CSMD1: variants seen among roughly 807,000 people sequenced by gnomAD.
CSMD1 encodes the protein CUB and sushi domain-containing protein 1.
Under a neutral mutation model 417.5 loss-of-function variants are expected in CSMD1, and 213 were observed. That is an observed-to-expected ratio of 0.51 (90% confidence interval 0.46 to 0.57). CSMD1 has a LOEUF of 0.57. Among genes scored for constraint, CSMD1 ranks in the 20% least tolerant of loss-of-function variants. CSMD1 has a pLI of 0.00. For missense variants in CSMD1, 6,923 were observed against 4,529.7 expected, an observed-to-expected ratio of 1.53 and a Z score of -15.17; for synonymous variants, 2,862 against 1,736.8, an observed-to-expected ratio of 1.65 and a Z score of -16.11.
chr8:4,949,461 C>T (rs1424478884), intron 1 of CSMD1, among the ~76,000 whole-genome samples: 2 of 152,124 alleles, frequency 1.3e-5, no homozygotes, highest in African/African-American at 4.8e-5. Flanking sequence ...AAATATTCAA[C>T]CACTGCCTCA....
At chr8:3,489,937 A>C (rs2117284325) in intron 11 of CSMD1, among the ~76,000 whole-genome samples, 1 of 152,276 alleles carries the variant, frequency 6.6e-6, no homozygotes, top group East Asian at 1.9e-4. Flanking sequence ...GTGTCATGTG[A>C]TCCTCTGACT....
At chr8:4,852,403 A>G (rs1326755740) in intron 1 of CSMD1, among the ~76,000 whole-genome samples, 1 of 151,680 alleles carries the variant, frequency 6.6e-6, no homozygotes, top group Non-Finnish European at 1.5e-5. Context: ...TCTCGTTCTC[A>G]CTCTTGCTAT....
intron 8 of CSMD1, among the ~76,000 whole-genome samples, chr8:3,603,237 C>G (rs1801447879): frequency 6.6e-6 from 1 of 152,192 alleles, no homozygotes; most frequent in African/African-American, 2.4e-5. Flanking sequence ...TCCTACTCTG[C>G]TTCAGTTTCC....
chr8:3,164,880 T>C (rs1000548617), intron 37 of CSMD1, among the ~76,000 whole-genome samples: 12 of 152,170 alleles, frequency 7.9e-5, no homozygotes, highest in African/African-American at 2.7e-4. Context: ...TTTTATTATA[T>C]ATTGATTTAT....
chr8:3,383,542 A>C (rs1810775983), intron 18 of CSMD1, among the ~76,000 whole-genome samples: 1 of 152,130 alleles, frequency 6.6e-6, no homozygotes, highest in African/African-American at 2.4e-5. Context: ...CACTAGGAAA[A>C]CCTCATGCAC....
At chr8:4,261,714 G>A (rs892469153) in intron 3 of CSMD1, among the ~76,000 whole-genome samples, 2 of 152,040 alleles carry the variant, frequency 1.3e-5, no homozygotes, top group South Asian at 2.1e-4. Context: ...CTGGCTGAGA[G>A]CAGATCTTAA....
chr8:4,958,970 A>G (rs11996295), intron 1 of CSMD1, among the ~76,000 whole-genome samples: 1 of 151,996 alleles, frequency 6.6e-6, no homozygotes, highest in South Asian at 2.1e-4. Context: ...GAATTACAAA[A>G]TTAAAAACAA....
In CSMD1 at chr8:3,189,998, T is replaced by C; in HGVS notation, c.5312A>G (p.Tyr1771Cys). 1 of 1,598,806 alleles carries C rather than the reference T, an allele frequency of 6.3e-7. No individual in the cohort carries two copies. The highest frequency in any genetic ancestry group is 1.1e-5 in the South Asian group (1 of 87,814). The change falls in exon 34 of 70, where the codon TAC (tyrosine) becomes TGC (cysteine). Residue 1771 changes from tyrosine (Y) to cysteine (C), a missense_variant. Transcript: ENST00000635120. ...GAGCGCCGTGGAACCCTGAAGCAGG[T>C]ATCCCGGGTTGCACTCGAATCGGAC... ...SIVRFECNPG[Y>C]LLQGSTALHC...
intron 4 of CSMD1, among the ~76,000 whole-genome samples, chr8:4,030,717 T>A (rs1797298795): frequency 6.6e-6 from 1 of 152,214 alleles, no homozygotes; most frequent in Admixed American, 6.5e-5. Flanking sequence ...CTTGATTTTC[T>A]CCTTGGAAAA....
At chr8:3,483,701 G>C (rs931380435) in intron 11 of CSMD1, among the ~76,000 whole-genome samples, 1 of 152,058 alleles carries the variant, frequency 6.6e-6, no homozygotes, top group Non-Finnish European at 1.5e-5. Flanking sequence ...GAAAACTATA[G>C]ACCGATATCT....
chr8:4,893,744 G>A lies in CSMD1; in HGVS notation c.85+100588C>T, dbSNP rs1346535001. ...AGTCTTCTTCTGGACTACTTGCTTTGTTTCATTAATCTATGTGCTGCTTTC... is the reference window on the plus strand; with the variant it reads ...AGTCTTCTTCTGGACTACTTGCTTTATTTCATTAATCTATGTGCTGCTTTC... On this transcript the variant is annotated intron_variant, in intron 1 of 69. Transcript: ENST00000635120. Among the ~76,000 whole-genome samples the A allele has an allele frequency of 2.6e-5, 4 of 151,976 alleles. No homozygotes were observed. In the East Asian group the frequency reaches 5.8e-4, roughly 22 times the overall value.
chr8:3,694,674 A>G (rs865775821), intron 7 of CSMD1, among the ~76,000 whole-genome samples: 10 of 152,004 alleles, frequency 6.6e-5, no homozygotes, highest in South Asian at 2.1e-4. Context: ...GAGGTGCTCC[A>G]CTGAACTGCT....
At chr8:3,820,087 A>T (rs932336367) in intron 5 of CSMD1, among the ~76,000 whole-genome samples, 1 of 152,152 alleles carries the variant, frequency 6.6e-6, no homozygotes, top group African/African-American at 2.4e-5. Flanking sequence ...GTGATTCTGC[A>T]TTTTCTTCAG....
At chr8:4,735,452 G>A (rs934331759) in intron 1 of CSMD1, among the ~76,000 whole-genome samples, 7 of 152,286 alleles carry the variant, frequency 4.6e-5, no homozygotes, top group South Asian at 2.1e-4. Context: ...ATCTGCAAGT[G>A]TTGTAGGACG....
intron 2 of CSMD1, among the ~76,000 whole-genome samples, chr8:4,469,867 CCTTT>C (rs962879558): frequency 1.4e-5 from 2 of 145,040 alleles, no homozygotes; most frequent in African/African-American, 5.3e-5. Flanking sequence ...CTTTGGTTTT[CCTTT>C]TTTTTTTTTT....
chr8:3,952,355 T>C (rs1472104694), intron 5 of CSMD1, among the ~76,000 whole-genome samples: 1 of 152,194 alleles, frequency 6.6e-6, no homozygotes, highest in Non-Finnish European at 1.5e-5. Context: ...CCATCTTCTG[T>C]TGAACCAAAC....
intron 10 of CSMD1, among the ~76,000 whole-genome samples, chr8:3,535,950 G>T (rs766807422): frequency 6.6e-6 from 1 of 152,090 alleles, no homozygotes; most frequent in Admixed American, 6.6e-5. Context: ...CCCACCAGTC[G>T]GTTACAGTTA....
chr8:3,002,818 T>A (rs867226974), intron 52 of CSMD1, among the ~76,000 whole-genome samples: 11 of 152,318 alleles, frequency 7.2e-5, no homozygotes, highest in Middle Eastern at 6.8e-3. Flanking sequence ...TAAATAAAGA[T>A]TCCCAACAGC....
intron 3 of CSMD1, among the ~76,000 whole-genome samples, chr8:4,055,192 T>C (rs747344727): frequency 4.6e-5 from 7 of 152,214 alleles, no homozygotes; most frequent in Non-Finnish European, 1.0e-4. Context: ...AAGTTAAAAC[T>C]TCAATTTTCT....
Sources: allele counts gnomAD v4.1 joint callset (sites outside exome capture counted in the v4.1 genomes callset), GRCh38; gene constraint gnomAD v4.1.1; transcripts MANE v1.5; gene names NCBI Gene and HGNC (gene_info 2026-07-23, HGNC 2026-07-21).